The following GPC6 variants were observed in gnomAD, a reference collection of about 807,000 sequenced individuals.
The protein encoded by GPC6 is glypican-6.
GPC6 carries 14 observed loss-of-function variants against 55.2 expected under a neutral mutation model. The ratio of observed to expected loss-of-function variants is 0.25; its 90% CI spans 0.17 to 0.40. The LOEUF is 0.40. Among genes scored for constraint, GPC6 ranks in the 10% least tolerant of loss-of-function variants. The pLI is 1.00. For missense variants in GPC6, 641 were observed against 708.5 expected (o/e 0.90, Z 1.08); for synonymous variants, 278 against 259.6 (o/e 1.07, Z -0.68).
chr13:93,955,095 A>G (rs1035729817), intron 3 of GPC6, among the ~76,000 whole-genome samples: 1 of 152,068 alleles, frequency 6.6e-6, no homozygotes, highest in Non-Finnish European at 1.5e-5. Context: ...TGACCAAGGG[A>G]TGAATGGTGG....
At chr13:94,009,618 C>T (rs1306323842) in intron 3 of GPC6, among the ~76,000 whole-genome samples, 2 of 152,072 alleles carry the variant, frequency 1.3e-5, no homozygotes, top group Non-Finnish European at 2.9e-5. Flanking sequence ...GTGGAAATTA[C>T]CTCTGTACAC....
chr13:93,575,130 CT>C (rs2139480354), intron 2 of GPC6, among the ~76,000 whole-genome samples: 1 of 152,142 alleles, frequency 6.6e-6, no homozygotes, highest in East Asian at 1.9e-4. Flanking sequence ...CCTGTCTCTA[CT>C]AAAAATACAA....
At chr13:94,236,280 G>A (rs1041353903) in intron 4 of GPC6, among the ~76,000 whole-genome samples, 1 of 152,142 alleles carries the variant, frequency 6.6e-6, no homozygotes, top group Non-Finnish European at 1.5e-5. Flanking sequence ...TGACGGAGCA[G>A]CAGCATACCC....
intron 4 of GPC6, among the ~76,000 whole-genome samples, chr13:94,143,127 A>T (rs1000316949): frequency 1.3e-5 from 2 of 151,098 alleles, no homozygotes; most frequent in African/African-American, 2.4e-5. Context: ...GCCCAGCCAG[A>T]TGGCTGGCTA....
At position 93,235,004 on chromosome 13, in the gene GPC6, GCT is replaced by G. The variant is rs1286442266; in HGVS notation, c.160+7391_160+7392del. Among the ~76,000 whole-genome samples, 3 of 152,176 alleles carry G rather than the reference GCT, an allele frequency of 2.0e-5. No homozygotes were observed. The East Asian group carries it at 5.8e-4, about 29-fold the overall frequency. On this transcript the variant is annotated intron_variant, in intron 1 of 8. Transcript: ENST00000377047. ...TGAAATTTAAGTCACAGTACTTTCT[GCT>G]CTGTCAGTGAAAAAAAAACTTCAAA...
chr13:94,118,037 G>A (rs938920094), intron 4 of GPC6, among the ~76,000 whole-genome samples: 2 of 152,078 alleles, frequency 1.3e-5, no homozygotes, highest in Admixed American at 6.6e-5. Context: ...AGATTTTAAT[G>A]TAAAATTGCC....
intron 3 of GPC6, among the ~76,000 whole-genome samples, chr13:93,944,170 T>TTTTATTTATTTA (rs140286554): frequency 2.1e-5 from 3 of 144,910 alleles, no homozygotes; most frequent in Admixed American, 1.4e-4. Context: ...CTTCCTTTTA[T>TTTTATTTATTTA]TTTATTTATT....
At chr13:94,093,788 A>G (rs1438979372) in intron 4 of GPC6, among the ~76,000 whole-genome samples, 1 of 152,074 alleles carries the variant, frequency 6.6e-6, no homozygotes, top group Admixed American at 6.6e-5. Context: ...TTATTGTTTG[A>G]TGACCTGATG....
intron 3 of GPC6, among the ~76,000 whole-genome samples, chr13:93,837,208 A>G (rs530108351): frequency 4.6e-5 from 7 of 152,268 alleles, no homozygotes; most frequent in Admixed American, 3.9e-4. Flanking sequence ...TCTGAGTTAT[A>G]TTACTTCATG....
At chr13:93,573,414 A>G (rs1876505689) in intron 2 of GPC6, among the ~76,000 whole-genome samples, 1 of 152,090 alleles carries the variant, frequency 6.6e-6, no homozygotes, top group African/African-American at 2.4e-5. Context: ...TGTAGACTGT[A>G]TGGTGGCTCT....
At chr13:94,300,240 A>G (rs1207221315) in intron 5 of GPC6, among the ~76,000 whole-genome samples, 6 of 152,308 alleles carry the variant, frequency 3.9e-5, no homozygotes, top group African/African-American at 1.2e-4. Context: ...TTAAATGTAT[A>G]ATCAAGCTGC....
At chr13:93,686,475 C>A (rs1594371701) in intron 2 of GPC6, among the ~76,000 whole-genome samples, 1 of 152,098 alleles carries the variant, frequency 6.6e-6, no homozygotes, top group Admixed American at 6.6e-5. Context: ...GGAGGCTGTC[C>A]TGTTTTCTTC....
intron 2 of GPC6, among the ~76,000 whole-genome samples, chr13:93,706,530 T>A (rs1424329169): frequency 6.6e-6 from 1 of 151,936 alleles, no homozygotes; most frequent in Non-Finnish European, 1.5e-5. Flanking sequence ...GATTCTCCTT[T>A]GCTTCAGTTA....
At chr13:93,733,510 AAAATATATAT>A (rs1883897441) in intron 2 of GPC6, among the ~76,000 whole-genome samples, 1 of 150,982 alleles carries the variant, frequency 6.6e-6, no homozygotes, top group East Asian at 1.9e-4. Context: ...GATCAGGCAT[AAAATATATAT>A]AAATATATAA....
At chr13:94,382,193 CA>C (rs1030438347) in intron 6 of GPC6, among the ~76,000 whole-genome samples, 11 of 152,108 alleles carry the variant, frequency 7.2e-5, no homozygotes, top group African/African-American at 2.7e-4. Context: ...AACAAAAAGC[CA>C]ATTACCTGAG....
intron 1 of GPC6, among the ~76,000 whole-genome samples, chr13:93,451,048 G>C (rs920956): frequency 0.31 from 47,004 of 151,994 alleles, 7,429 homozygotes; most frequent in East Asian, 0.36. Flanking sequence ...TTAAGGGCAA[G>C]ATCTGGCAGG....
intron 5 of GPC6, among the ~76,000 whole-genome samples, chr13:94,296,681 A>T (rs1483102924): frequency 2.0e-5 from 3 of 152,198 alleles, no homozygotes; most frequent in Non-Finnish European, 2.9e-5. Context: ...AAGGAGTCAC[A>T]TCTGTGGGGG....
intron 1 of GPC6, among the ~76,000 whole-genome samples, chr13:93,496,920 A>G (rs991037646): frequency 6.6e-6 from 1 of 152,194 alleles, no homozygotes; most frequent in African/African-American, 2.4e-5. Flanking sequence ...AAAAATACAG[A>G]TTTATAATTT....
At chr13:94,393,848 G>A (rs903205256) in intron 7 of GPC6, among the ~76,000 whole-genome samples, 1 of 152,134 alleles carries the variant, frequency 6.6e-6, no homozygotes, top group Admixed American at 6.5e-5. Context: ...CAGCATTAAC[G>A]TGATGATGAG....
Sources: allele counts gnomAD v4.1 joint callset (sites outside exome capture counted in the v4.1 genomes callset), GRCh38; gene constraint gnomAD v4.1.1; transcripts MANE v1.5; gene names NCBI Gene and HGNC (gene_info 2026-07-23, HGNC 2026-07-21).